Variants in WDR59 observed in about 807,000 individuals in gnomAD.
The protein encoded by WDR59 is GATOR2 complex protein WDR59.
In WDR59, 100 loss-of-function variants were observed where a neutral mutation model predicts 131.2. The observed-to-expected ratio is 0.76, with a 90% confidence interval of 0.65 to 0.90. The LOEUF (loss-of-function observed/expected upper bound fraction) is 0.90. Ranked by LOEUF, WDR59 falls within the 40% of genes least tolerant of loss-of-function variation. WDR59 has a pLI of 0.00. For missense variants in WDR59, 1,203 were observed against 1,262.2 expected, an observed-to-expected ratio of 0.95 and a Z score of 0.71; for synonymous variants, 601 against 466.2, an observed-to-expected ratio of 1.29 and a Z score of -3.72.
chr16:74,937,609 C>T (rs1242559163), intron 8 of WDR59, among the ~76,000 whole-genome samples: 1 of 152,150 alleles, frequency 6.6e-6, no homozygotes, highest in Admixed American at 6.6e-5. Context: ...TCAAGCGATT[C>T]TTGTGTCTCA....
chr16:74,960,266 G>C (rs1175613390), intron 2 of WDR59, among the ~76,000 whole-genome samples: 3 of 151,908 alleles, frequency 2.0e-5, no homozygotes, highest in Admixed American at 6.6e-5. Context: ...AGGAGGCAGA[G>C]GTTGCAGTGA....
chr16:74,872,686 A>G lies in WDR59; in HGVS notation c.*1523T>C, dbSNP rs1317528982. ...ACAGGCAGTTTGCGAGGGAGCCTAAAGGAAGAGTGAGGGCACTCACTGGAA... is the reference window on the plus strand; with the variant it reads ...ACAGGCAGTTTGCGAGGGAGCCTAAGGGAAGAGTGAGGGCACTCACTGGAA... On this transcript the variant is annotated 3_prime_UTR_variant, in exon 26 of 26. Transcript: ENST00000262144. The G allele has an allele frequency of 1.3e-5, 2 of 152,216 alleles. No homozygotes were observed. The highest frequency in any genetic ancestry group is 4.8e-5 in the African/African-American group (2 of 41,432). The allele number at this position is 152,216 out of a possible 1,614,324, so 9.4% of individuals were successfully genotyped here. A position where few individuals can be genotyped will look rare whatever the true frequency, so the allele number is the denominator to read the frequency against.
At chr16:74,935,566 T>A (rs576385523) in intron 8 of WDR59, among the ~76,000 whole-genome samples, 290 of 151,914 alleles carry the variant, frequency 1.9e-3, no homozygotes, top group African/African-American at 6.8e-3. Flanking sequence ...ATAAAAATAA[T>A]TAATATAAAT....
intron 18 of WDR59, among the ~76,000 whole-genome samples, chr16:74,897,081 T>C (rs369414477): frequency 6.8e-4 from 104 of 152,364 alleles, no homozygotes; most frequent in African/African-American, 2.4e-3. Flanking sequence ...CATTTTTTAA[T>C]GGATCCATTT....
At chr16:74,946,149 A>C (rs62061366) in intron 6 of WDR59, among the ~76,000 whole-genome samples, 2 of 152,132 alleles carry the variant, frequency 1.3e-5, no homozygotes, top group Non-Finnish European at 2.9e-5. Context: ...ACAGTGTTAC[A>C]ACTGTTCTAT....
chr16:74,898,170 T>C (rs1965381025), intron 18 of WDR59, among the ~76,000 whole-genome samples: 2 of 152,206 alleles, frequency 1.3e-5, no homozygotes, highest in Non-Finnish European at 2.9e-5. Flanking sequence ...ACATATGGAT[T>C]TCTTTTATGA....
Position 74,938,137 on chromosome 16 carries a change from G to C in WDR59, c.651+13C>G. ...AACACTGCTCCTCCAACTTCCCCATGGGTGCCACTGACCTTCACAGAATTG... is the reference window on the plus strand; with the variant it reads ...AACACTGCTCCTCCAACTTCCCCATCGGTGCCACTGACCTTCACAGAATTG... On this transcript the variant is annotated intron_variant, in intron 8 of 25. Transcript: ENST00000262144. 6.7e-7 allele frequency: 1 copy of C among 1,491,380 alleles called. No homozygotes were observed. Among genetic ancestry groups the C allele is most frequent in the Non-Finnish European group, 9.0e-7 (1 of 1,115,652 alleles). 92.4% of individuals were successfully genotyped at this position (1,491,380 alleles called of 1,614,324 possible).
intron 20 of WDR59, among the ~76,000 whole-genome samples, chr16:74,890,416 G>A (rs1964980529): frequency 6.6e-6 from 1 of 152,198 alleles, no homozygotes; most frequent in South Asian, 2.1e-4. Context: ...CCCAAAAAGT[G>A]CTGGGATTAC....
rs766848748 is a variant in WDR59 at position 74,874,423 on chromosome 16, T to C, written c.2711A>G (p.His904Arg). ...KGIEFGVYCS[H>R]CRSEVRGTQC... ...CGTGCCACGGACCTCACTCCGGCAG[T>C]GGCTGCAGTACACGCCGAACTCTGG... The change falls in exon 26 of 26, where the codon CAC becomes CGC. Residue 904 changes from histidine to arginine, a missense_variant. By Grantham distance (29) the His-to-Arg change is conservative (BLOSUM62 0). Transcript: ENST00000262144. 4 of 1,613,834 alleles carry C rather than the reference T, an allele frequency of 2.5e-6. No individual in the cohort carries two copies. The Admixed American group carries it at 5.0e-5, about 20-fold the overall frequency.
intron 1 of WDR59, among the ~76,000 whole-genome samples, chr16:74,975,688 GA>G (rs1361087582): frequency 2.0e-5 from 3 of 149,410 alleles, no homozygotes; most frequent in Admixed American, 6.7e-5. Context: ...GTAAAAAAAA[GA>G]AAAAAAAATT....
intron 18 of WDR59, among the ~76,000 whole-genome samples, chr16:74,900,619 T>C (rs957348196): frequency 6.6e-6 from 1 of 152,208 alleles, no homozygotes; most frequent in African/African-American, 2.4e-5. Context: ...GGTTCACTTG[T>C]CAAATGAATG....
intron 25 of WDR59, among the ~76,000 whole-genome samples, chr16:74,878,748 G>A (rs1463451840): frequency 6.6e-6 from 1 of 152,194 alleles, no homozygotes; most frequent in African/African-American, 2.4e-5. Flanking sequence ...AATTAAAAGA[G>A]CCTGGAGATT....
chr16:74,951,784 G>A (rs2033013131), intron 3 of WDR59, among the ~76,000 whole-genome samples: 1 of 152,174 alleles, frequency 6.6e-6, no homozygotes, highest in African/African-American at 2.4e-5. Flanking sequence ...CTTAAGAGAT[G>A]CATCTTGAAC....
At chr16:74,978,353 CTGGTGGCATATGCCTGTCG>C (rs2034270277) in intron 1 of WDR59, among the ~76,000 whole-genome samples, 1 of 150,126 alleles carries the variant, frequency 6.7e-6, no homozygotes, top group Non-Finnish European at 1.5e-5. Flanking sequence ...AGAGCCAGGC[CTGGTGGCATATGCCTGTCG>C]ACTCAGTTAT....
At chr16:74,913,083 GGC>G (rs1470444499) in intron 13 of WDR59, among the ~76,000 whole-genome samples, 33 of 134,902 alleles carry the variant, frequency 2.4e-4, no homozygotes, top group South Asian at 7.5e-4. Context: ...GGGGGGGGGG[GGC>G]CTGTTCCCAA....
chr16:74,913,267 C>CT (rs567994050), intron 13 of WDR59, among the ~76,000 whole-genome samples: 9,125 of 142,036 alleles, frequency 0.064, 593 homozygotes, highest in South Asian at 0.18. Flanking sequence ...ACAAAGTATT[C>CT]TTTTTTTTTT....
chr16:74,950,782 T>C (rs1051711429), intron 4 of WDR59, among the ~76,000 whole-genome samples: 4 of 152,170 alleles, frequency 2.6e-5, no homozygotes, highest in Non-Finnish European at 4.4e-5. Context: ...GGCCACTCCC[T>C]GACATCCACA....
intron 11 of WDR59, among the ~76,000 whole-genome samples, chr16:74,916,706 A>G (rs941076558): frequency 3.3e-5 from 5 of 152,108 alleles, no homozygotes; most frequent in Non-Finnish European, 7.4e-5. Context: ...TAAAAATACA[A>G]AAACTAGCCA....
chr16:74,981,506 C>G (rs1337351468), intron 1 of WDR59, among the ~76,000 whole-genome samples: 1 of 146,894 alleles, frequency 6.8e-6, no homozygotes, highest in Non-Finnish European at 1.5e-5. Flanking sequence ...TGAGGTGAGC[C>G]AAGATTGCAC....
Sources: gnomAD v4.1 joint callset for allele counts (sites outside exome capture counted in the v4.1 genomes callset) on GRCh38, gnomAD v4.1.1 for gene constraint, MANE v1.5 for transcripts, NCBI Gene and HGNC (gene_info 2026-07-23, HGNC 2026-07-21) for gene names.